The following LRRC28 variants were observed in gnomAD, a reference collection of about 807,000 sequenced individuals.
LRRC28 encodes leucine-rich repeat-containing protein 28.
LRRC28 carries 39 observed loss-of-function variants against 45.7 expected under a neutral mutation model. The ratio of observed to expected loss-of-function variants is 0.85; its 90% CI spans 0.66 to 1.12. LRRC28 has a LOEUF of 1.12. Ranked by LOEUF, LRRC28 falls within the 50% of genes most tolerant of loss-of-function variation. The pLI, the probability that LRRC28 is intolerant of heterozygous loss-of-function variation, is 0.00. For missense variants in LRRC28, 435 were observed against 438.5 expected (o/e 0.99, Z 0.07); for synonymous variants, 206 against 178.8 (o/e 1.15, Z -1.22).
At chr15:99,294,808 C>T (rs576114950) in intron 5 of LRRC28, among the ~76,000 whole-genome samples, 1 of 152,304 alleles carries the variant, frequency 6.6e-6, no homozygotes, top group East Asian at 1.9e-4. Context: ...CAAATCATAG[C>T]ACCGTCTTGA....
chr15:99,334,760 G>T (rs1956270575), intron 6 of LRRC28, among the ~76,000 whole-genome samples: 2 of 151,958 alleles, frequency 1.3e-5, no homozygotes, highest in African/African-American at 4.8e-5. Context: ...TTGTTAACTT[G>T]TAAGAAACAA....
intron 5 of LRRC28, among the ~76,000 whole-genome samples, chr15:99,319,658 G>A (rs1955724709): frequency 1.0e-5 from 1 of 99,982 alleles, no homozygotes; most frequent in Non-Finnish European, 1.8e-5. Flanking sequence ...AAAACAGTGT[G>A]GTTTTTTTTT....
chr15:99,342,391 A>G (rs1412466629), intron 6 of LRRC28, among the ~76,000 whole-genome samples: 1 of 152,208 alleles, frequency 6.6e-6, no homozygotes, highest in African/African-American at 2.4e-5. Flanking sequence ...AAACAGGCAG[A>G]TGCGCCTTTC....
In LRRC28 at chr15:99,287,312, A is replaced by G. The variant is rs1276154457; in HGVS notation, c.247+18A>G. 1 of 1,517,650 alleles carries G rather than the reference A, an allele frequency of 6.6e-7. No homozygotes were observed. The highest frequency in any genetic ancestry group is 8.9e-7 in the Non-Finnish European group (1 of 1,126,410). The allele number at this position is 1,517,650 out of a possible 1,614,324, so 94.0% of individuals were successfully genotyped here. A position where few individuals can be genotyped will look rare whatever the true frequency, so the allele number is the denominator to read the frequency against. ...TCCGGAAGGTATGTTTAACTTAAAA[A>G]TTTTAGTTAGAAGATAATATAATTT... On this transcript the variant is annotated intron_variant, in intron 4 of 9. Transcript: ENST00000301981.
intron 6 of LRRC28, 73 bp from the exon 7 acceptor site, chr15:99,352,296 G>A (rs1956906433): frequency 4.1e-6 from 4 of 977,418 alleles, no homozygotes; most frequent in South Asian, 1.5e-5. Flanking sequence ...CTAATACTAT[G>A]TATTAAATTT....
intron 1 of LRRC28, among the ~76,000 whole-genome samples, chr15:99,253,474 A>G (rs1477116263): frequency 6.6e-6 from 1 of 152,154 alleles, no homozygotes; most frequent in African/African-American, 2.4e-5. Context: ...ATTGCTTTCT[A>G]GGCTAAGAGG....
intron 3 of LRRC28, chr15:99,285,585 G>A (rs56388360): frequency 1.2e-5 from 9 of 728,974 alleles, no homozygotes; most frequent in Admixed American, 4.5e-5. Context: ...TTGACGGCAG[G>A]GGGAGGAGAG....
At chr15:99,355,128 T>C (rs1287756350) in intron 7 of LRRC28, among the ~76,000 whole-genome samples, 4 of 152,262 alleles carry the variant, frequency 2.6e-5, no homozygotes, top group Admixed American at 6.5e-5. Context: ...AAAATTCTTT[T>C]GTATTCATGG....
chr15:99,335,809 G>C (rs1567673652), intron 6 of LRRC28, among the ~76,000 whole-genome samples: 1 of 152,106 alleles, frequency 6.6e-6, no homozygotes, highest in African/African-American at 2.4e-5. Flanking sequence ...CCAGGATGTT[G>C]CAGTCAGTGC....
intron 9 of LRRC28, 103 bp from the exon 10 acceptor site, chr15:99,385,927 G>T: frequency 1.0e-6 from 1 of 994,380 alleles, no homozygotes. Flanking sequence ...TGTTGACCAT[G>T]GCTAATCCTC....
In LRRC28 at chr15:99,387,178, A is replaced by C. The variant is rs1286232434; in HGVS notation, c.*1076A>C. On this transcript the variant is annotated 3_prime_UTR_variant, in exon 10 of 10. Transcript: ENST00000301981. ...CGGGTTCACGCCATTCTCCTGCCTC[A>C]GCCTCCCAAGTAGCTGGGACCACAG... 6.8e-6 allele frequency: 1 copy of C among 146,474 alleles called. No individual in the cohort carries two copies. Among genetic ancestry groups the C allele is most frequent in the African/African-American group, 2.5e-5 (1 of 39,710 alleles). 9.1% of individuals were successfully genotyped at this position (146,474 alleles called of 1,614,324 possible). A position where few individuals can be genotyped will look rare whatever the true frequency, so the allele number is the denominator to read the frequency against.
chr15:99,317,537 GT>G (rs1955640827), intron 5 of LRRC28: 1 of 152,268 alleles, frequency 6.6e-6, no homozygotes, highest in East Asian at 1.9e-4. Flanking sequence ...GATGTGTGTT[GT>G]TCCATAAGGT....
At chr15:99,326,992 T>C (rs7167033) in intron 5 of LRRC28, among the ~76,000 whole-genome samples, 19,950 of 152,220 alleles carry the variant, frequency 0.13, 1,396 homozygotes, top group Non-Finnish European at 0.17. Flanking sequence ...AATTGAAATA[T>C]TTGTTAGAAT....
chr15:99,282,176 G>GTTTTTTTTTTTTTTTTTTT (rs1476287973), intron 3 of LRRC28, among the ~76,000 whole-genome samples: 4 of 33,886 alleles, frequency 1.2e-4, no homozygotes, highest in East Asian at 6.9e-4. Context: ...AATTTTTGGA[G>GTTTTTTTTTTTTTTTTTTT]GTTTTTTTTT....
chr15:99,326,812 C>T (rs993730171), intron 5 of LRRC28, among the ~76,000 whole-genome samples: 21 of 152,040 alleles, frequency 1.4e-4, no homozygotes, highest in Non-Finnish European at 3.1e-4. Context: ...TTGTTAAGGA[C>T]TTTTGCACTT....
intron 5 of LRRC28, among the ~76,000 whole-genome samples, chr15:99,300,052 A>G (rs986340744): frequency 3.3e-5 from 5 of 152,134 alleles, no homozygotes; most frequent in African/African-American, 1.2e-4. Context: ...GACTTTTTTA[A>G]ATTTCAGAAG....
chr15:99,373,952 C>G (rs764170031), intron 9 of LRRC28, among the ~76,000 whole-genome samples: 13 of 152,160 alleles, frequency 8.5e-5, no homozygotes, highest in Non-Finnish European at 1.5e-4. Context: ...TTCACTTGAT[C>G]TGTGTCTATC....
intron 5 of LRRC28, among the ~76,000 whole-genome samples, chr15:99,315,851 T>C (rs934703263): frequency 1.3e-5 from 2 of 152,138 alleles, no homozygotes; most frequent in Non-Finnish European, 1.5e-5. Flanking sequence ...TTCCAGGATA[T>C]AGTGAGTCGT....
At chr15:99,367,384 G>A (rs1957368230) in intron 9 of LRRC28, among the ~76,000 whole-genome samples, 1 of 152,288 alleles carries the variant, frequency 6.6e-6, no homozygotes, top group South Asian at 2.1e-4. Flanking sequence ...GCCACGTCTG[G>A]TGAGGGCCAT....
Sources: allele counts gnomAD v4.1 joint callset (sites outside exome capture counted in the v4.1 genomes callset), GRCh38; gene constraint gnomAD v4.1.1; transcripts MANE v1.5; gene names NCBI Gene and HGNC (gene_info 2026-07-23, HGNC 2026-07-21).